The following ACTR3C variants were observed in gnomAD, a reference collection of about 807,000 sequenced individuals.
ACTR3C encodes actin related protein 3C.
Under a neutral mutation model 26.3 loss-of-function variants are expected in ACTR3C, and 18 were observed. The observed-to-expected ratio is 0.68, with a 90% CI of 0.47 to 1.01. ACTR3C has a LOEUF of 1.01. Among genes scored for constraint, ACTR3C ranks in the 50% least tolerant of loss-of-function variants. The probability of loss-of-function intolerance (pLI) is 0.00; values close to 1 mark genes in which losing one functional copy is unlikely to be tolerated. For missense variants in ACTR3C, 184 were observed against 250.7 expected, an observed-to-expected ratio of 0.73 and a Z score of 1.80; for synonymous variants, 55 against 94.5, an observed-to-expected ratio of 0.58 and a Z score of 2.42.
At chr7:150,091,861 G>A in the ACTR3C span, among the ~76,000 whole-genome samples, 67 of 150,648 alleles carry the variant, frequency 4.4e-4, no homozygotes, top group Non-Finnish European at 8.0e-4. Context: ...GGTGGCGGGC[G>A]CCTGTAGTCC....
At chr7:150,120,322 T>C in the ACTR3C span, among the ~76,000 whole-genome samples, 1 of 151,778 alleles carries the variant, frequency 6.6e-6, no homozygotes. Flanking sequence ...ATTAACAAAA[T>C]AGATAGACCA....
the ACTR3C span, among the ~76,000 whole-genome samples, chr7:150,179,418 GAA>G: frequency 8.5e-6 from 1 of 118,098 alleles, no homozygotes. Flanking sequence ...GACACAACAG[GAA>G]AAAAAAAAAA....
chr7:149,979,603 T>C, the ACTR3C span, among the ~76,000 whole-genome samples: 1 of 152,194 alleles, frequency 6.6e-6, no homozygotes, highest in Non-Finnish European at 1.5e-5. Flanking sequence ...ACTCAATTAT[T>C]TTGAGTTACT....
chr7:150,116,268 G>A, the ACTR3C span, among the ~76,000 whole-genome samples: 1 of 152,164 alleles, frequency 6.6e-6, no homozygotes, highest in Non-Finnish European at 1.5e-5. Context: ...ATAAAAATAA[G>A]AGAATTCCCC....
intron 4 of ACTR3C, among the ~76,000 whole-genome samples, chr7:150,286,898 C>T (rs1176330210): frequency 6.6e-6 from 1 of 152,008 alleles, no homozygotes; most frequent in Non-Finnish European, 1.5e-5. Context: ...TCTGGCACCT[C>T]ACTGTGGTCC....
chr7:149,987,125 G>A, the ACTR3C span, among the ~76,000 whole-genome samples: 1 of 145,382 alleles, frequency 6.9e-6, no homozygotes, highest in Admixed American at 6.9e-5. Context: ...GTAATCAATG[G>A]ACTATTATGC....
At chr7:149,886,271 C>T in the ACTR3C span, among the ~76,000 whole-genome samples, 1 of 152,166 alleles carries the variant, frequency 6.6e-6, no homozygotes, top group African/African-American at 2.4e-5. Flanking sequence ...GAGACAGGAC[C>T]TGACAAATAA....
chr7:150,322,886 C>A (rs1384879438), intron 1 of ACTR3C: 1 of 152,312 alleles, frequency 6.6e-6, no homozygotes, highest in African/African-American at 2.4e-5. Context: ...GCCTTCCACG[C>A]GGGAGACCTG....
At chr7:150,269,132 A>T (rs1034827196) in intron 6 of ACTR3C, among the ~76,000 whole-genome samples, 1 of 49,058 alleles carries the variant, frequency 2.0e-5, no homozygotes, top group Non-Finnish European at 3.8e-5. Flanking sequence ...CAGAAGTTTC[A>T]GGGGACAAGG....
At chr7:150,127,957 A>G in the ACTR3C span, among the ~76,000 whole-genome samples, 5 of 151,892 alleles carry the variant, frequency 3.3e-5, no homozygotes, top group Admixed American at 3.3e-4. Context: ...GTTTCACAAA[A>G]TCTTGGAAGA....
the ACTR3C span, among the ~76,000 whole-genome samples, chr7:150,034,664 C>T: frequency 1.2e-3 from 182 of 150,794 alleles, 2 homozygotes; most frequent in South Asian, 0.033. Context: ...GTAAATCCCA[C>T]GTAAGGTACC....
the ACTR3C span, among the ~76,000 whole-genome samples, chr7:149,983,620 C>A: frequency 4.0e-5 from 6 of 150,632 alleles, no homozygotes; most frequent in Non-Finnish European, 8.8e-5. Context: ...AATCTCATTT[C>A]CAGGTACGTA....
At chr7:150,261,574 T>A (rs1833637478) in intron 6 of ACTR3C, among the ~76,000 whole-genome samples, 1 of 152,372 alleles carries the variant, frequency 6.6e-6, no homozygotes, top group South Asian at 2.1e-4. Context: ...TGGTGGCACA[T>A]GCCTATAATC....
the ACTR3C span, among the ~76,000 whole-genome samples, chr7:150,223,933 G>C: frequency 2.0e-4 from 30 of 152,234 alleles, no homozygotes; most frequent in Non-Finnish European, 3.7e-4. Context: ...GTGTCTCTTG[G>C]CAGAATTCAG....
chr7:150,088,814 C>T, the ACTR3C span, among the ~76,000 whole-genome samples: 157 of 152,220 alleles, frequency 1.0e-3, 1 homozygote, highest in Non-Finnish European at 1.5e-3. Context: ...AAACTCATTT[C>T]CTCGTCTGTG....
the ACTR3C span, among the ~76,000 whole-genome samples, chr7:150,203,534 C>T: frequency 2.6e-5 from 4 of 152,168 alleles, no homozygotes; most frequent in Admixed American, 6.5e-5. Flanking sequence ...TGACAATTTA[C>T]ATACATCATC....
At chr7:150,077,736 G>A in the ACTR3C span, among the ~76,000 whole-genome samples, 1 of 152,184 alleles carries the variant, frequency 6.6e-6, no homozygotes, top group African/African-American at 2.4e-5. Context: ...ATGCAAACCA[G>A]TTGGCAGTTC....
At chr7:150,049,066 G>A in the ACTR3C span, among the ~76,000 whole-genome samples, 1 of 152,012 alleles carries the variant, frequency 6.6e-6, no homozygotes, top group Non-Finnish European at 1.5e-5. Context: ...GAGAGCGAGG[G>A]AGGGCGACAT....
chr7:150,080,527 A>ATGTGTGTGTG, the ACTR3C span, among the ~76,000 whole-genome samples: 49 of 142,658 alleles, frequency 3.4e-4, no homozygotes, highest in African/African-American at 1.2e-3. Flanking sequence ...TTGTGTGTGT[A>ATGTGTGTGTG]TGTGTGTGTG....
Sources: allele counts gnomAD v4.1 joint callset (sites outside exome capture counted in the v4.1 genomes callset), GRCh38; gene constraint gnomAD v4.1.1; transcripts MANE v1.5; gene names NCBI Gene and HGNC (gene_info 2026-07-23, HGNC 2026-07-21).